Variants in ANGPT4 observed in about 807,000 individuals in gnomAD.
The protein encoded by ANGPT4 is angiopoietin 4, also known as angiopoietin-4.
In ANGPT4, 50 loss-of-function variants were observed where a neutral mutation model predicts 53.0. The ratio of observed to expected loss-of-function variants is 0.94; its 90% CI spans 0.75 to 1.20. The LOEUF (loss-of-function observed/expected upper bound fraction) is 1.20, where lower values mean the gene tolerates loss of function less well. Among genes scored for constraint, ANGPT4 ranks in the 50% most tolerant of loss-of-function variants. The pLI is 0.00. For synonymous variants in ANGPT4, 251 were observed against 259.7 expected (o/e 0.97, Z 0.32); for missense variants, 648 against 637.1 (o/e 1.02, Z -0.18).
intron 1 of ANGPT4, among the ~76,000 whole-genome samples, chr20:901,117 C>G (rs1206505827): frequency 6.6e-6 from 1 of 152,150 alleles, no homozygotes. Context: ...TCTCTCCATA[C>G]CACCTCCAAA....
chr20:903,350 C>T (rs1256885011), intron 1 of ANGPT4, among the ~76,000 whole-genome samples: 1 of 152,206 alleles, frequency 6.6e-6, no homozygotes, highest in African/African-American at 2.4e-5. Flanking sequence ...AATCTGTTGT[C>T]TCTACCCTCG....
chr20:879,490 A>G (rs1161471803), intron 6 of ANGPT4, among the ~76,000 whole-genome samples: 1 of 152,218 alleles, frequency 6.6e-6, no homozygotes, highest in African/African-American at 2.4e-5. Flanking sequence ...AAAATTAGAA[A>G]TGTATATGTA....
chr20:879,509 A>T (rs529326916), intron 6 of ANGPT4, among the ~76,000 whole-genome samples: 7 of 152,138 alleles, frequency 4.6e-5, no homozygotes, highest in South Asian at 4.1e-4. Flanking sequence ...TATTTTTTTA[A>T]AAAAAATTAA....
intron 1 of ANGPT4, among the ~76,000 whole-genome samples, chr20:915,214 CCTTCCAGTGG>C (rs1190805869): frequency 1.4e-5 from 2 of 146,946 alleles, no homozygotes; most frequent in Non-Finnish European, 3.0e-5. Flanking sequence ...AAGCTGAAGT[CCTTCCAGTGG>C]CCCCCCCCCC....
intron 2 of ANGPT4, among the ~76,000 whole-genome samples, 188 bp downstream of exon 2, chr20:890,025 C>T (rs187103540): frequency 9.5e-4 from 144 of 152,340 alleles, no homozygotes; most frequent in African/African-American, 3.2e-3. Flanking sequence ...ATCCACCCCC[C>T]AGGGCTCATA....
At chr20:885,478 G>A (rs1405952538) in intron 3 of ANGPT4, among the ~76,000 whole-genome samples, 153 bp from the exon 4 acceptor site, 1 of 152,126 alleles carries the variant, frequency 6.6e-6, no homozygotes, top group Non-Finnish European at 1.5e-5. Context: ...GATTGAGGAG[G>A]GGAGAAAAGA....
intron 6 of ANGPT4, 81 bp from the exon 7 acceptor site, chr20:878,408 C>T: frequency 1.4e-6 from 2 of 1,395,772 alleles, no homozygotes; most frequent in East Asian, 4.8e-5. Flanking sequence ...CTGGGCCAGG[C>T]TCCAGGGCTA....
intron 1 of ANGPT4, among the ~76,000 whole-genome samples, chr20:913,055 CAGGA>C (rs1600067997): frequency 6.6e-6 from 1 of 152,104 alleles, no homozygotes; most frequent in East Asian, 1.9e-4. Flanking sequence ...GGATTCGCGA[CAGGA>C]AGGATCTCCC....
chr20:873,348 G>T (rs886965267), intron 8 of ANGPT4, among the ~76,000 whole-genome samples: 4 of 152,032 alleles, frequency 2.6e-5, no homozygotes, highest in African/African-American at 9.7e-5. Context: ...GCCACTCCTC[G>T]AGCCCCCTTG....
chr20:908,945 C>T lies in ANGPT4; in HGVS notation c.309+6961G>A, dbSNP rs185029641. Among the ~76,000 whole-genome samples, 53 of 152,228 alleles carry T rather than the reference C, an allele frequency of 3.5e-4. No individual in the cohort carries two copies. The highest frequency in any genetic ancestry group is 5.9e-4 in the Admixed American group (9 of 15,296). ...AGGAACCCTGGGTTCTGGGCCAACT[C>T]CTGCCACCGACCCTTGGGTGAATGT... On this transcript the variant is annotated intron_variant, in intron 1 of 8. Coordinates refer to ENST00000381922, the MANE Select transcript of ANGPT4 (RefSeq NM_015985.4). The surrounding 1 kb of genome is among the most constrained non-coding windows in gnomAD (Gnocchi z 4.9).
chr20:881,316 G>A lies in ANGPT4; in HGVS notation c.836-30C>T, dbSNP rs199538335. The A allele has an allele frequency of 8.1e-6, 13 of 1,604,490 alleles. No individual in the cohort carries two copies. The East Asian group carries it at 2.9e-4, about 36-fold the overall frequency. On this transcript the variant is annotated intron_variant, in intron 4 of 8. Transcript: ENST00000381922. ...AAAGGGACAACACAAAAGTCAGTTG[G>A]AGGTGGGCAAGGAAAGAGAGAAGGG...
rs972008006 is a variant in ANGPT4, at chr20:911,356, G to A, written c.309+4550C>T. Among the ~76,000 whole-genome samples the A allele has an allele frequency of 3.3e-5, 5 of 152,204 alleles. No homozygotes were observed. In the South Asian group the frequency reaches 1.0e-3, roughly 32 times the overall value. ...CCTGACCCCTCTCTGCTTGGCTTTG[G>A]GTGCAGAGGAGGAAGAGAAAGAGGC... On this transcript the variant is annotated intron_variant, in intron 1 of 8. Coordinates refer to ENST00000381922, the MANE Select transcript of ANGPT4 (RefSeq NM_015985.4). The surrounding 1 kb of genome is among the most constrained non-coding windows in gnomAD (Gnocchi z 4.9).
intron 1 of ANGPT4, among the ~76,000 whole-genome samples, chr20:896,027 G>C (rs1982033776): frequency 6.6e-6 from 1 of 152,100 alleles, no homozygotes; most frequent in Non-Finnish European, 1.5e-5. Flanking sequence ...ATGTGAAAAG[G>C]GTAGATTTTG....
At chr20:878,415 GCTA>G in intron 6 of ANGPT4, 88 bp from the exon 7 acceptor site, 1 of 1,346,934 alleles carries the variant, frequency 7.4e-7, no homozygotes, top group Non-Finnish European at 1.0e-6. Context: ...AGGCTCCAGG[GCTA>G]CTTATACAAA....
chr20:879,208 T>C (rs1439811518), intron 6 of ANGPT4, among the ~76,000 whole-genome samples: 1 of 152,242 alleles, frequency 6.6e-6, no homozygotes, highest in Admixed American at 6.5e-5. Context: ...TTTTTCTATT[T>C]CTTTGGCTTT....
At chr20:888,698 C>T (rs1279751032) in intron 2 of ANGPT4, among the ~76,000 whole-genome samples, 1 of 152,212 alleles carries the variant, frequency 6.6e-6, no homozygotes, top group African/African-American at 2.4e-5. Flanking sequence ...ACCCTGTCCC[C>T]CACATCCAAC....
intron 1 of ANGPT4, among the ~76,000 whole-genome samples, chr20:913,978 G>C (rs1982815925): frequency 6.6e-6 from 1 of 152,190 alleles, no homozygotes; most frequent in Admixed American, 6.5e-5. Flanking sequence ...GGAGGTGTTG[G>C]GGGAGATCCA....
At chr20:893,487 C>A (rs1294071277) in intron 1 of ANGPT4, among the ~76,000 whole-genome samples, 1 of 152,190 alleles carries the variant, frequency 6.6e-6, no homozygotes, top group Non-Finnish European at 1.5e-5. Context: ...TCACCAGGAC[C>A]AGATGCCAAG....
At chr20:888,674 C>T (rs75766372) in intron 2 of ANGPT4, among the ~76,000 whole-genome samples, 2,433 of 152,288 alleles carry the variant, frequency 0.016, 65 homozygotes, top group African/African-American at 0.056. Context: ...ATGCTTAGGC[C>T]CCAGGAGCTG....
Sources: gnomAD v4.1 joint callset for allele counts (sites outside exome capture counted in the v4.1 genomes callset) on GRCh38, gnomAD v4.1.1 for gene constraint, Gnocchi (gnomAD v3.1) non-coding constraint, MANE v1.5 for transcripts, NCBI Gene and HGNC (gene_info 2026-07-23, HGNC 2026-07-21) for gene names.